ZFYVE16: variants seen among roughly 807,000 people sequenced by gnomAD.
ZFYVE16 encodes the protein zinc finger FYVE domain-containing protein 16.
ZFYVE16 carries 89 observed loss-of-function variants against 138.1 expected under a neutral mutation model. The observed-to-expected ratio is 0.64, with a 90% CI of 0.54 to 0.77. The LOEUF (loss-of-function observed/expected upper bound fraction) is 0.77, where lower values mean the gene tolerates loss of function less well. Among genes scored for constraint, ZFYVE16 ranks in the 30% least tolerant of loss-of-function variants. The pLI is 0.00. For missense variants in ZFYVE16, 1,793 were observed against 1,786.7 expected, an observed-to-expected ratio of 1.00 and a Z score of -0.06; for synonymous variants, 596 against 618.3, an observed-to-expected ratio of 0.96 and a Z score of 0.53.
intron 1 of ZFYVE16, among the ~76,000 whole-genome samples, chr5:80,426,299 AAT>A (rs1748068218): frequency 7.0e-6 from 1 of 142,636 alleles, no homozygotes; most frequent in African/African-American, 2.8e-5. Context: ...TATATAATTA[AAT>A]TTAAAGTTCC....
In ZFYVE16 at chr5:80,451,720, G is replaced by A; in HGVS notation, c.3607+11G>A. The A allele has an allele frequency of 1.3e-6, 2 of 1,599,456 alleles. No homozygotes were observed. Among genetic ancestry groups the A allele is most frequent in the Non-Finnish European group, 1.7e-6 (2 of 1,171,798 alleles). ...GTGCAGAATATAAAGGTAAGTTTTAGAGTAATAAGTTAAATTGCATATTTT... is the reference window on the plus strand; with the variant it reads ...GTGCAGAATATAAAGGTAAGTTTTAAAGTAATAAGTTAAATTGCATATTTT... On this transcript the variant is annotated intron_variant, in intron 11 of 18. Transcript: ENST00000505560.
At chr5:80,429,343 C>A (rs552960259) in intron 2 of ZFYVE16, among the ~76,000 whole-genome samples, 1 of 152,226 alleles carries the variant, frequency 6.6e-6, no homozygotes, top group Non-Finnish European at 1.5e-5. Flanking sequence ...TCATATCCAG[C>A]CAAACTAAGC....
intron 7 of ZFYVE16, 89 bp downstream of exon 7, chr5:80,445,494 T>C: frequency 1.6e-6 from 2 of 1,257,726 alleles, no homozygotes; most frequent in Non-Finnish European, 1.1e-6. Flanking sequence ...GCTTTTTTTT[T>C]TTTTTAACAC....
rs113198812 is a variant in ZFYVE16, at chr5:80,444,856, T to C, written c.2582-407T>C. On this transcript the variant is annotated intron_variant, in intron 6 of 18. Coordinates refer to ENST00000505560, the MANE Select transcript of ZFYVE16 (RefSeq NM_001284236.3). ...ACTTTAGTCCCTAAATTTTATTCAG[T>C]CTCTACTCCTTACTCACACAAACAG... 5.6e-4 allele frequency among the ~76,000 whole-genome samples: 86 copies of C among 152,246 alleles called. 1 individual carries two copies. The highest frequency in any genetic ancestry group is 2.0e-3 in the African/African-American group (83 of 41,542).
Position 80,439,948 on chromosome 5 carries a change from G to A in ZFYVE16, c.2335G>A (p.Val779Ile), listed in dbSNP as rs1267779840. ...TTATTCTTTATAGGTATTTTGTGGT[G>A]TCTGTTGTAATAGGAAGTGTAAACT... is the stretch of plus-strand genomic sequence containing the variant. The part of the protein sequence containing the change: ...CRACGKVFCG[V>I]CCNRKCKLQY... Residue 779 changes from valine (V) to isoleucine (I), a missense_variant, in exon 5 of 19, where the codon GTC (valine) becomes ATC (isoleucine). Around this residue, in one of 2 missense-constraint regions of ZFYVE16, gnomAD observed 1,295 missense variants for 1,204.3 expected, o/e 1.08. Coordinates refer to ENST00000505560, the MANE Select transcript of ZFYVE16 (RefSeq NM_001284236.3). The A allele has an allele frequency of 1.2e-6, 2 of 1,607,936 alleles. No homozygotes were observed. Among genetic ancestry groups the A allele is most frequent in the Non-Finnish European group, 1.7e-6 (2 of 1,177,032 alleles).
chr5:80,433,071 G>A (rs1055856724), intron 2 of ZFYVE16, among the ~76,000 whole-genome samples: 4 of 152,148 alleles, frequency 2.6e-5, no homozygotes, highest in Non-Finnish European at 5.9e-5. Context: ...ATTTGACCCA[G>A]CCATCCCATT....
chr5:80,421,659 C>T (rs1747200722), intron 1 of ZFYVE16, among the ~76,000 whole-genome samples: 2 of 152,154 alleles, frequency 1.3e-5, no homozygotes, highest in African/African-American at 2.4e-5. Flanking sequence ...TCTATATCTC[C>T]ATTTTGGTAC....
At position 80,428,115 on chromosome 5, in the gene ZFYVE16, T is replaced by A. The variant is rs185666624; in HGVS notation, c.-40+570T>A. ...TGAGATTTGAAGAGAGCAGCGGTTC[T>A]CCCAGCACGGAGTTTGAGATGTGAG... On this transcript the variant is annotated intron_variant, in intron 2 of 18. Transcript: ENST00000505560. Among the ~76,000 whole-genome samples, 25 of 151,276 alleles carry A rather than the reference T, an allele frequency of 1.7e-4. No homozygotes were observed. The East Asian group carries it at 5.0e-3, about 30-fold the overall frequency.
intron 1 of ZFYVE16, among the ~76,000 whole-genome samples, chr5:80,410,922 C>T (rs1376270698): frequency 2.6e-5 from 4 of 151,034 alleles, no homozygotes; most frequent in African/African-American, 7.3e-5. Context: ...TATGTTTTCT[C>T]GGTTTACAAG....
In ZFYVE16 at chr5:80,445,446, T is replaced by C. The variant is rs180674798; in HGVS notation, c.2724+41T>C. On this transcript the variant is annotated intron_variant, in intron 7 of 18. Transcript: ENST00000505560. ...AATAACTTAATTGACTAAACAAAAT[T>C]TTATTTCGTAGATAATTCCTGGTGT... is the stretch of plus-strand genomic sequence containing the variant. The C allele has an allele frequency of 3.9e-4, 618 of 1,574,288 alleles. 3 individuals carry two copies. The African/African-American group carries it at 7.3e-3, about 19-fold the overall frequency.
At position 80,456,666 on chromosome 5, in the gene ZFYVE16, G is replaced by A. The variant is rs1249962614; in HGVS notation, c.3795+101G>A. ...TTTGTTTTGAATTAGACTATCTAATGTATTATGGCAACAAACATTGTTTTT... is the reference window on the plus strand; with the variant it reads ...TTTGTTTTGAATTAGACTATCTAATATATTATGGCAACAAACATTGTTTTT... On this transcript the variant is annotated intron_variant, in intron 13 of 18. Coordinates refer to ENST00000505560, the MANE Select transcript of ZFYVE16 (RefSeq NM_001284236.3). 9 of 968,272 alleles carry A rather than the reference G, an allele frequency of 9.3e-6. No homozygotes were observed. In the East Asian group the frequency reaches 2.4e-4, roughly 26 times the overall value. 60.0% of individuals were successfully genotyped at this position (968,272 alleles called of 1,614,324 possible).
chr5:80,433,088 T>A (rs1305282641), intron 2 of ZFYVE16, among the ~76,000 whole-genome samples: 1 of 152,188 alleles, frequency 6.6e-6, no homozygotes, highest in Non-Finnish European at 1.5e-5. Context: ...CATTACTGGG[T>A]ATATACCCAA....
rs540916405 is a variant in ZFYVE16, at chr5:80,420,951, G to A, written c.-93-6541G>A. 2.4e-3 allele frequency among the ~76,000 whole-genome samples: 360 copies of A among 152,280 alleles called. 2 individuals are homozygous for A. Among genetic ancestry groups the A allele is most frequent in the African/African-American group, 8.5e-3 (353 of 41,552 alleles). On this transcript the variant is annotated intron_variant, in intron 1 of 18. Coordinates refer to ENST00000505560, the MANE Select transcript of ZFYVE16 (RefSeq NM_001284236.3). Reference sequence around the variant, plus strand: ...TTCTTGTTTCTCCACATCCTCTCCAGCACCTGTTGTTTCCTGACTTTTTAA... The same window carrying A: ...TTCTTGTTTCTCCACATCCTCTCCAACACCTGTTGTTTCCTGACTTTTTAA...
At chr5:80,442,784 A>C (rs1750860045) in intron 5 of ZFYVE16, among the ~76,000 whole-genome samples, 1 of 152,228 alleles carries the variant, frequency 6.6e-6, no homozygotes, top group Non-Finnish European at 1.5e-5. Flanking sequence ...TTATGTCTAA[A>C]AGAATCTCTC....
At position 80,436,864 on chromosome 5, in the gene ZFYVE16, A is replaced by G; in HGVS notation, c.179A>G (p.Gln60Arg). 6.2e-7 allele frequency: 1 copy of G among 1,614,172 alleles called. No homozygotes were observed. Among genetic ancestry groups the G allele is most frequent in the Non-Finnish European group, 8.5e-7 (1 of 1,180,026 alleles). ...CGAACTTCATTGCTCCCAAAAGACC[A>G]AGAGTGCGTTAATAGTTGTGCCTCA... ...SQRTSLLPKD[Q>R]ECVNSCASSE... The change falls in exon 4 of 19, where the codon CAA becomes CGA. Residue 60 changes from glutamine (Q) to arginine (R), a missense_variant. Physicochemically the swap from Gln to Arg is conservative, Grantham distance 43 (BLOSUM62 1). Coordinates refer to ENST00000505560, the MANE Select transcript of ZFYVE16 (RefSeq NM_001284236.3).
chr5:80,412,496 T>A (rs182174877), intron 1 of ZFYVE16, among the ~76,000 whole-genome samples: 1 of 152,300 alleles, frequency 6.6e-6, no homozygotes, highest in East Asian at 1.9e-4. Context: ...CACAGCTTAA[T>A]GAGATTTCAT....
chr5:80,439,914 T>C (rs766111981), intron 4 of ZFYVE16, 22 bp from the exon 5 acceptor site: 2 of 1,587,502 alleles, frequency 1.3e-6, no homozygotes, highest in South Asian at 1.1e-5. Context: ...CAAAGACAAA[T>C]TTGATATTTT....
At chr5:80,422,916 T>C (rs1302152632) in intron 1 of ZFYVE16, among the ~76,000 whole-genome samples, 1 of 152,230 alleles carries the variant, frequency 6.6e-6, no homozygotes, top group Admixed American at 6.5e-5. Context: ...CATTGTTGGA[T>C]TCAATTTGGC....
chr5:80,464,773 T>C (rs1238971540), intron 15 of ZFYVE16, among the ~76,000 whole-genome samples: 1 of 152,196 alleles, frequency 6.6e-6, no homozygotes, highest in Non-Finnish European at 1.5e-5. Flanking sequence ...TTAGATATTT[T>C]CTAGTGTACC....
Sources: gnomAD v4.1 joint callset for allele counts (sites outside exome capture counted in the v4.1 genomes callset) on GRCh38, gnomAD v4.1.1 for gene constraint, gnomAD v4.1.1 regional missense constraint, MANE v1.5 for transcripts, NCBI Gene and HGNC (gene_info 2026-07-23, HGNC 2026-07-21) for gene names.